Variants in MACROD2 observed in about 807,000 individuals in gnomAD.
The protein encoded by MACROD2 is mono-ADP ribosylhydrolase 2, also known as ADP-ribose glycohydrolase MACROD2.
MACROD2 carries 36 observed loss-of-function variants against 70.4 expected under a neutral mutation model. That is an observed-to-expected ratio of 0.51 (90% CI 0.39 to 0.68). The LOEUF (loss-of-function observed/expected upper bound fraction) is 0.68, where lower values mean the gene tolerates loss of function less well. MACROD2 is among the 30% of genes least tolerant of loss of function. The pLI, the probability that MACROD2 is intolerant of heterozygous loss-of-function variation, is 0.00. For missense variants in MACROD2, 496 were observed against 538.4 expected (o/e 0.92, Z 0.78); for synonymous variants, 172 against 178.8 (o/e 0.96, Z 0.30).
At chr20:15,298,418 A>G (rs1126347) in intron 6 of MACROD2, among the ~76,000 whole-genome samples, 66,973 of 152,052 alleles carry the variant, frequency 0.44, 15,460 homozygotes, top group African/African-American at 0.59. Context: ...AAACAGTGGC[A>G]TGGGGATGGG....
At chr20:15,119,362 A>G (rs1489958230) in intron 5 of MACROD2, among the ~76,000 whole-genome samples, 1 of 152,096 alleles carries the variant, frequency 6.6e-6, no homozygotes, top group Non-Finnish European at 1.5e-5. Context: ...TTCCCTCGCC[A>G]ATGAAACAAG....
intron 5 of MACROD2, among the ~76,000 whole-genome samples, chr20:15,221,910 G>A (rs560433045): frequency 5.3e-5 from 8 of 152,192 alleles, no homozygotes; most frequent in Non-Finnish European, 1.0e-4. Flanking sequence ...CATTCTGTAT[G>A]CCTCTATCAA....
intron 8 of MACROD2, among the ~76,000 whole-genome samples, chr20:15,525,383 C>T (rs900447216): frequency 6.6e-6 from 1 of 152,146 alleles, no homozygotes; most frequent in Non-Finnish European, 1.5e-5. Context: ...TAAAGTTAAG[C>T]CCTGGGTAGG....
At chr20:15,065,008 C>A (rs1194088904) in intron 5 of MACROD2, among the ~76,000 whole-genome samples, 2 of 152,082 alleles carry the variant, frequency 1.3e-5, no homozygotes, top group Non-Finnish European at 2.9e-5. Context: ...TCTTATACTG[C>A]AGTTCAGAGT....
chr20:14,635,339 C>T (rs1984733801), intron 4 of MACROD2, among the ~76,000 whole-genome samples: 1 of 152,118 alleles, frequency 6.6e-6, no homozygotes, highest in East Asian at 1.9e-4. Context: ...ACTACACCCA[C>T]TAGCAAAGGT....
intron 4 of MACROD2, among the ~76,000 whole-genome samples, chr20:14,655,830 G>A (rs994346357): frequency 6.6e-6 from 1 of 152,228 alleles, no homozygotes; most frequent in African/African-American, 2.4e-5. Flanking sequence ...AGCATTTCAG[G>A]TATGAGTTAA....
At chr20:15,417,802 C>A (rs941428055) in intron 6 of MACROD2, among the ~76,000 whole-genome samples, 2 of 151,816 alleles carry the variant, frequency 1.3e-5, no homozygotes, top group Admixed American at 1.3e-4. Context: ...AATACTATAA[C>A]GGAGGATATT....
At chr20:14,760,088 A>G (rs1467916371) in intron 5 of MACROD2, among the ~76,000 whole-genome samples, 2 of 152,076 alleles carry the variant, frequency 1.3e-5, no homozygotes, top group African/African-American at 4.8e-5. Flanking sequence ...TGAGCCATAA[A>G]CTGCTGAAAT....
chr20:15,713,801 A>G (rs537237095), intron 8 of MACROD2, among the ~76,000 whole-genome samples: 2 of 152,144 alleles, frequency 1.3e-5, no homozygotes, highest in Non-Finnish European at 2.9e-5. Flanking sequence ...GACCAAAATG[A>G]TCTTACCAAA....
At chr20:14,191,333 C>G (rs758737053) in intron 3 of MACROD2, among the ~76,000 whole-genome samples, 2 of 152,156 alleles carry the variant, frequency 1.3e-5, no homozygotes, top group Non-Finnish European at 2.9e-5. Flanking sequence ...TTAAAATTCA[C>G]TAGCTCTCTG....
chr20:14,021,292 T>C (rs2053076421), intron 2 of MACROD2, among the ~76,000 whole-genome samples: 1 of 152,168 alleles, frequency 6.6e-6, no homozygotes, highest in African/African-American at 2.4e-5. Flanking sequence ...CCCAGAGCTT[T>C]TGAATATTCT....
At chr20:14,634,627 C>T (rs1034137329) in intron 4 of MACROD2, among the ~76,000 whole-genome samples, 1 of 146,370 alleles carries the variant, frequency 6.8e-6, no homozygotes, top group African/African-American at 2.5e-5. Flanking sequence ...ATCAGGACTT[C>T]CTGAGAGAGT....
intron 5 of MACROD2, among the ~76,000 whole-genome samples, chr20:14,709,688 T>G (rs2071314797): frequency 6.6e-6 from 1 of 152,230 alleles, no homozygotes; most frequent in South Asian, 2.1e-4. Flanking sequence ...CCATGATACC[T>G]TGTTGAATCA....
intron 5 of MACROD2, among the ~76,000 whole-genome samples, chr20:14,962,988 A>C (rs756535356): frequency 4.6e-5 from 7 of 152,216 alleles, no homozygotes; most frequent in Non-Finnish European, 1.0e-4. Flanking sequence ...TTAGCATGCC[A>C]GTCCAATGTC....
At chr20:14,188,079 A>T (rs2148736266) in intron 3 of MACROD2, among the ~76,000 whole-genome samples, 1 of 152,204 alleles carries the variant, frequency 6.6e-6, no homozygotes, top group East Asian at 1.9e-4. Flanking sequence ...ATTATGAAAA[A>T]CTTTGTCAAT....
chr20:15,948,822 T>C (rs2065865609), intron 12 of MACROD2, among the ~76,000 whole-genome samples: 3 of 152,216 alleles, frequency 2.0e-5, no homozygotes, highest in Admixed American at 6.6e-5. Flanking sequence ...AATATATTTG[T>C]AACAGTCAAT....
chr20:14,366,618 G>T (rs999607314), intron 3 of MACROD2, among the ~76,000 whole-genome samples: 1 of 151,830 alleles, frequency 6.6e-6, no homozygotes, highest in Non-Finnish European at 1.5e-5. Flanking sequence ...GTCCTCCTTG[G>T]CCTCCGAAAG....
chr20:15,274,142 G>A (rs1049838293), intron 6 of MACROD2, among the ~76,000 whole-genome samples: 5 of 152,110 alleles, frequency 3.3e-5, no homozygotes, highest in Admixed American at 3.3e-4. Context: ...AAGGAACTAA[G>A]GTGAACAGAA....
Position 14,018,366 on chromosome 20 carries a change from T to C in MACROD2, c.163+15962T>C, listed in dbSNP as rs151200802. On this transcript the variant is annotated intron_variant, in intron 2 of 17. Transcript: ENST00000684519. ...AAGTTCCTTAGGTGTAAAGTTACGC[T>C]GTTGAAATGAGATCTTCTTATTTAA... Among the ~76,000 whole-genome samples the C allele has an allele frequency of 2.6e-5, 4 of 152,250 alleles. No individual in the cohort carries two copies. In the East Asian group the frequency reaches 7.7e-4, roughly 29 times the overall value.
Sources: allele counts gnomAD v4.1 joint callset (sites outside exome capture counted in the v4.1 genomes callset), GRCh38; gene constraint gnomAD v4.1.1; transcripts MANE v1.5; gene names NCBI Gene and HGNC (gene_info 2026-07-23, HGNC 2026-07-21).